PLA2G4A: variants seen among roughly 807,000 people sequenced by gnomAD.
The protein encoded by PLA2G4A is cytosolic phospholipase A2.
PLA2G4A carries 40 observed loss-of-function variants against 81.9 expected under a neutral mutation model. The ratio of observed to expected loss-of-function variants is 0.49; its 90% confidence interval spans 0.38 to 0.64. The LOEUF (loss-of-function observed/expected upper bound fraction) is 0.64, where lower values mean the gene tolerates loss of function less well. Ranked by LOEUF, PLA2G4A falls within the 30% of genes least tolerant of loss-of-function variation. PLA2G4A has a pLI of 0.00. For missense variants in PLA2G4A, 715 were observed against 905.1 expected (o/e 0.79, Z 2.69); for synonymous variants, 302 against 296.9 (o/e 1.02, Z -0.18).
chr1:186,858,348 T>C (rs1219425728), intron 2 of PLA2G4A, among the ~76,000 whole-genome samples: 2 of 152,236 alleles, frequency 1.3e-5, no homozygotes, highest in Admixed American at 1.3e-4. Context: ...TGTATTTCTC[T>C]GATGACCAGT....
intron 1 of PLA2G4A, among the ~76,000 whole-genome samples, chr1:186,848,319 G>T (rs951348833): frequency 6.6e-6 from 1 of 152,048 alleles, no homozygotes. Context: ...CTCTATTCTC[G>T]CTCTCTCTGC....
At chr1:186,844,423 T>A (rs1652097284) in intron 1 of PLA2G4A, among the ~76,000 whole-genome samples, 1 of 152,244 alleles carries the variant, frequency 6.6e-6, no homozygotes, top group Non-Finnish European at 1.5e-5. Context: ...AGTAATATAA[T>A]GCTCTCTTTG....
chr1:186,934,173 A>C (rs1165674399), intron 8 of PLA2G4A, among the ~76,000 whole-genome samples: 1 of 151,856 alleles, frequency 6.6e-6, no homozygotes, highest in Admixed American at 6.6e-5. Flanking sequence ...TTTTGTTATT[A>C]TTCTTTGAGT....
In PLA2G4A at chr1:186,841,908, T is replaced by C. The variant is rs117587974; in HGVS notation, c.-69-12378T>C. Among the ~76,000 whole-genome samples the C allele has an allele frequency of 3.4e-4, 50 of 149,014 alleles. No homozygotes were observed. In the East Asian group the frequency reaches 9.7e-3, roughly 29 times the overall value. ...ATCCTTGTGCTTCGTTTATGTAGAATGTGTGTATGTATATGTTGGTGAGGG... is the reference window on the plus strand; with the variant it reads ...ATCCTTGTGCTTCGTTTATGTAGAACGTGTGTATGTATATGTTGGTGAGGG... On this transcript the variant is annotated intron_variant, in intron 1 of 17. Coordinates refer to ENST00000367466, the MANE Select transcript of PLA2G4A (RefSeq NM_024420.3).
At chr1:186,846,003 A>C (rs1274019269) in intron 1 of PLA2G4A, among the ~76,000 whole-genome samples, 1 of 152,204 alleles carries the variant, frequency 6.6e-6, no homozygotes, top group South Asian at 2.1e-4. Context: ...ACTCACTAAG[A>C]CTGGTTATTT....
At chr1:186,851,634 A>T (rs1652374815) in intron 1 of PLA2G4A, among the ~76,000 whole-genome samples, 2 of 151,956 alleles carry the variant, frequency 1.3e-5, no homozygotes, top group Non-Finnish European at 2.9e-5. Flanking sequence ...AATGCTGATA[A>T]TGGGAAGTGC....
chr1:186,956,238 C>T lies in PLA2G4A; in HGVS notation c.1473C>T (p.Asn491=). The T allele has an allele frequency of 6.2e-7, 1 of 1,613,980 alleles. No homozygotes were observed. The highest frequency in any genetic ancestry group is 8.5e-7 in the Non-Finnish European group (1 of 1,179,906). Reference sequence around the variant, plus strand: ...AAGGACGTGCTGGGAAGGTACACAACTTCATGCTGGGCTTGAATCTCAATA... The same window carrying T: ...AAGGACGTGCTGGGAAGGTACACAATTTCATGCTGGGCTTGAATCTCAATA... ...TREGRAGKVH[N]FMLGLNLNTS... Residue 491 remains asparagine, a synonymous_variant, in exon 14 of 18, where the codon AAC becomes AAT. Coordinates refer to ENST00000367466, the MANE Select transcript of PLA2G4A (RefSeq NM_024420.3).
chr1:186,902,782 T>C (rs924650259), intron 5 of PLA2G4A, among the ~76,000 whole-genome samples: 62 of 149,950 alleles, frequency 4.1e-4, no homozygotes, highest in African/African-American at 1.4e-3. Context: ...CCAAATCCTA[T>C]AAAACTGCCC....
intron 1 of PLA2G4A, among the ~76,000 whole-genome samples, chr1:186,853,535 A>G (rs1226498698): frequency 6.6e-6 from 1 of 151,964 alleles, no homozygotes; most frequent in Non-Finnish European, 1.5e-5. Context: ...GATAGATAAT[A>G]AAGATATTTG....
Position 186,893,004 on chromosome 1 carries a change from T to A in PLA2G4A, c.116-7T>A, listed in dbSNP as rs1379825138. 6.2e-7 allele frequency: 1 copy of A among 1,601,810 alleles called. No individual in the cohort carries two copies. Among genetic ancestry groups the A allele is most frequent in the African/African-American group, 1.3e-5 (1 of 74,700 alleles). On this transcript the variant is annotated splice_region_variant and splice_polypyrimidine_tract_variant and intron_variant, in intron 3 of 17. Coordinates refer to ENST00000367466, the MANE Select transcript of PLA2G4A (RefSeq NM_024420.3). ...ACCTCCTTCTTGTTTGTGTTTACTATCTGTAGTTGATACTCCAGATCCCTA... is the reference window on the plus strand; with the variant it reads ...ACCTCCTTCTTGTTTGTGTTTACTAACTGTAGTTGATACTCCAGATCCCTA...
At chr1:186,847,728 C>A (rs763457027) in intron 1 of PLA2G4A, among the ~76,000 whole-genome samples, 1 of 151,998 alleles carries the variant, frequency 6.6e-6, no homozygotes, top group Non-Finnish European at 1.5e-5. Flanking sequence ...TTGGAGAGCA[C>A]TGCTGTGAGT....
At chr1:186,979,966 G>C (rs867575267) in intron 17 of PLA2G4A, among the ~76,000 whole-genome samples, 1 of 18,734 alleles carries the variant, frequency 5.3e-5, no homozygotes, top group Non-Finnish European at 1.3e-4. Flanking sequence ...TTTTTTTTTT[G>C]AGATGGAGTC....
At chr1:186,953,784 G>A (rs1482575845) in intron 13 of PLA2G4A, among the ~76,000 whole-genome samples, 1 of 152,182 alleles carries the variant, frequency 6.6e-6, no homozygotes, top group East Asian at 1.9e-4. Flanking sequence ...CACAAGTGAT[G>A]CCATTATCAA....
intron 15 of PLA2G4A, among the ~76,000 whole-genome samples, chr1:186,971,739 A>G (rs548903215): frequency 3.3e-5 from 5 of 152,152 alleles, no homozygotes; most frequent in African/African-American, 1.2e-4. Flanking sequence ...AAAATATTAT[A>G]CTATCAATAC....
chr1:186,979,555 T>TA lies in PLA2G4A; in HGVS notation c.2118+90dup, dbSNP rs893518125. On this transcript the variant is annotated intron_variant, in intron 17 of 17. Transcript: ENST00000367466. Reference sequence around the variant, plus strand: ...ACCAATACCTCTTTTCAATTAAAAATAAAAAAATAAGTGTTATGAATGACA... The same window carrying TA: ...ACCAATACCTCTTTTCAATTAAAAATAAAAAAAATAAGTGTTATGAATGACA... The TA allele has an allele frequency of 1.8e-4, 169 of 925,576 alleles. No individual in the cohort carries two copies. The African/African-American group carries it at 2.2e-3, about 12-fold the overall frequency. The allele number at this position is 925,576 out of a possible 1,614,324, so 57.3% of individuals were successfully genotyped here. A position where few individuals can be genotyped will look rare whatever the true frequency, so the allele number is the denominator to read the frequency against.
chr1:186,900,849 T>G (rs554676339), intron 5 of PLA2G4A, among the ~76,000 whole-genome samples: 1 of 152,288 alleles, frequency 6.6e-6, no homozygotes, highest in Non-Finnish European at 1.5e-5. Flanking sequence ...TATTTAGAAG[T>G]TGGTGTTAAA....
chr1:186,963,758 C>G (rs1440785267), intron 14 of PLA2G4A, among the ~76,000 whole-genome samples: 1 of 152,168 alleles, frequency 6.6e-6, no homozygotes, highest in Non-Finnish European at 1.5e-5. Context: ...TGTAAGGAAA[C>G]AGATGACTTT....
chr1:186,960,417 C>T (rs1292222340), intron 14 of PLA2G4A, among the ~76,000 whole-genome samples: 1 of 152,144 alleles, frequency 6.6e-6, no homozygotes, highest in African/African-American at 2.4e-5. Context: ...GTTATGTTTC[C>T]ACAACCGCAT....
intron 13 of PLA2G4A, among the ~76,000 whole-genome samples, chr1:186,952,573 C>T (rs925322272): frequency 1.4e-4 from 22 of 152,042 alleles, no homozygotes; most frequent in African/African-American, 4.6e-4. Context: ...TATTATCAGT[C>T]AAAGTCCATA....
Sources: allele counts gnomAD v4.1 joint callset (sites outside exome capture counted in the v4.1 genomes callset), GRCh38; gene constraint gnomAD v4.1.1; transcripts MANE v1.5; gene names NCBI Gene and HGNC (gene_info 2026-07-23, HGNC 2026-07-21).